Variants in AURKA observed in about 807,000 individuals in gnomAD.
The protein encoded by AURKA is aurora 2.
AURKA carries 12 observed loss-of-function variants against 40.9 expected under a neutral mutation model. The ratio of observed to expected loss-of-function variants is 0.29; its 90% CI spans 0.19 to 0.48. The LOEUF (loss-of-function observed/expected upper bound fraction) is 0.48, where lower values mean the gene tolerates loss of function less well. AURKA is among the 20% of genes least tolerant of loss of function. The pLI is 0.99. For missense variants in AURKA, 322 were observed against 462.1 expected (o/e 0.70, Z 2.78); for synonymous variants, 170 against 164.3 (o/e 1.03, Z -0.26).
intron 6 of AURKA, 144 bp downstream of exon 6, chr20:56,381,289 T>C: frequency 9.8e-7 from 1 of 1,018,602 alleles, no homozygotes; most frequent in Admixed American, 1.9e-5. Context: ...AACTAAGCTA[T>C]TTTGATTTTT....
chr20:56,372,301 G>T (rs926469029), intron 7 of AURKA, among the ~76,000 whole-genome samples: 3 of 152,138 alleles, frequency 2.0e-5, no homozygotes, highest in Non-Finnish European at 4.4e-5. Flanking sequence ...GGACTGAATC[G>T]GGGGTTCTCA....
chr20:56,386,290 G>C lies in AURKA; in HGVS notation c.286C>G (p.Gln96Glu). ...HPVSRPLNNT[Q>E]KSKQPLPSAP... Reference sequence around the variant, plus strand: ...GATGGCAGGGGCTGCTTGCTCTTTTGGGTGTTATTCAGTGGCCTGGAGACA... The same window carrying C: ...GATGGCAGGGGCTGCTTGCTCTTTTCGGTGTTATTCAGTGGCCTGGAGACA... The change falls in exon 3 of 9, where the codon CAA becomes GAA. Residue 96 changes from glutamine to glutamate, a missense_variant. Gln to Glu is a conservative substitution (Grantham distance 29). Coordinates refer to ENST00000395915, the MANE Select transcript of AURKA (RefSeq NM_198437.3). 6.2e-7 allele frequency: 1 copy of C among 1,614,240 alleles called. No individual in the cohort carries two copies. The highest frequency in any genetic ancestry group is 8.5e-7 in the Non-Finnish European group (1 of 1,180,044).
intron 6 of AURKA, among the ~76,000 whole-genome samples, chr20:56,374,016 T>TACACACACACACACACACACAC (rs11467339): frequency 6.8e-6 from 1 of 147,508 alleles, no homozygotes; most frequent in African/African-American, 2.5e-5. Context: ...TATAGGAGTC[T>TACACACACACACACACACACAC]ACACACACAC....
intron 5 of AURKA, 24 bp from the exon 6 acceptor site, chr20:56,381,595 A>C (rs1278038947): frequency 6.2e-7 from 1 of 1,612,666 alleles, no homozygotes; most frequent in Non-Finnish European, 8.5e-7. Context: ...TAAACATTCT[A>C]ACACTTGGTT....
chr20:56,381,879 G>A (rs1430357345), intron 5 of AURKA, among the ~76,000 whole-genome samples: 1 of 152,050 alleles, frequency 6.6e-6, no homozygotes, highest in African/African-American at 2.4e-5. Flanking sequence ...TTAAAAAAAG[G>A]ACATGGCCGG....
chr20:56,372,806 G>C (rs1271229454), intron 7 of AURKA, among the ~76,000 whole-genome samples: 1 of 152,198 alleles, frequency 6.6e-6, no homozygotes, highest in Non-Finnish European at 1.5e-5. Context: ...AAACAGTAAA[G>C]ATATTGTAGT....
chr20:56,386,380 A>G lies in AURKA; in HGVS notation c.196T>C (p.Ser66Pro). Residue 66 changes from serine (S) to proline (P), a missense_variant, in exon 3 of 9, where the codon TCC becomes CCC. Physicochemically the swap from Ser to Pro is moderately conservative, Grantham distance 74. Coordinates refer to ENST00000395915, the MANE Select transcript of AURKA (RefSeq NM_198437.3). ...RIPLQAQKLV[S>P]SHKPVQNQKQ... The stretch of plus-strand genomic sequence containing the variant: ...TGATTCTGAACCGGCTTGTGACTGG[A>G]GACAAGCTTTTGTGCTTGCAAAGGA... The G allele has an allele frequency of 6.2e-7, 1 of 1,614,158 alleles. No homozygotes were observed.
chr20:56,382,121 G>A (rs184297730), intron 5 of AURKA, among the ~76,000 whole-genome samples: 1,804 of 149,486 alleles, frequency 0.012, 22 homozygotes, highest in Middle Eastern at 0.029. Flanking sequence ...CTGAGATTGC[G>A]CCACTGCACT....
intron 6 of AURKA, among the ~76,000 whole-genome samples, chr20:56,378,774 A>C (rs759299453): frequency 1.7e-4 from 26 of 152,246 alleles, no homozygotes; most frequent in Non-Finnish European, 3.1e-4. Context: ...TAAGTGGAAG[A>C]AGCCCACCTA....
Position 56,384,327 on chromosome 20 carries a change from A to G in AURKA, c.320-3T>C. 3 of 1,590,832 alleles carry G rather than the reference A, an allele frequency of 1.9e-6. No homozygotes were observed. The highest frequency in any genetic ancestry group is 3.3e-5 in the Admixed American group (2 of 59,962). On this transcript the variant is annotated splice_region_variant and splice_polypyrimidine_tract_variant and intron_variant, in intron 3 of 8. Transcript: ENST00000395915. ...CAGTTCCTCCTCAGGATTATTTTCT[A>G]TATGGAATAAGTTAAAAACCTGTTT...
At chr20:56,379,567 C>G (rs1985414046) in intron 6 of AURKA, among the ~76,000 whole-genome samples, 1 of 152,198 alleles carries the variant, frequency 6.6e-6, no homozygotes. Context: ...TAATAACATT[C>G]TCCAAGAAAA....
chr20:56,372,648 A>T (rs1046546594), intron 7 of AURKA, among the ~76,000 whole-genome samples: 17 of 151,774 alleles, frequency 1.1e-4, no homozygotes, highest in African/African-American at 4.1e-4. Context: ...ATTTTAGGCT[A>T]TACTTTTTTT....
intron 5 of AURKA, 136 bp downstream of exon 5, chr20:56,382,849 A>G: frequency 1.1e-6 from 1 of 880,438 alleles, no homozygotes; most frequent in South Asian, 1.4e-5. Flanking sequence ...GGAGGTGAGG[A>G]ACGGGGCCAT....
rs572853918 is a variant in AURKA, at chr20:56,391,692, C to T, written c.-6+476G>A. Among the ~76,000 whole-genome samples the T allele has an allele frequency of 2.6e-4, 39 of 152,248 alleles. 1 individual carries two copies. Among genetic ancestry groups the T allele is most frequent in the East Asian group, 2.3e-3 (12 of 5,180 alleles). ...CCCACTCATCCAGCCAGGACAAGGG[C>T]CTTCTTAGGCTATTCTATCTAAAGC... is the stretch of plus-strand genomic sequence containing the variant. On this transcript the variant is annotated intron_variant, in intron 1 of 8. Coordinates refer to ENST00000395915, the MANE Select transcript of AURKA (RefSeq NM_198437.3).
chr20:56,383,231 A>T (rs1376757744), intron 4 of AURKA, 55 bp from the exon 5 acceptor site: 18 of 1,565,216 alleles, frequency 1.2e-5, no homozygotes, highest in Non-Finnish European at 1.6e-5. Flanking sequence ...TTTCTAACAA[A>T]TTTTCAATGA....
chr20:56,386,611 G>A, intron 2 of AURKA, 78 bp from the exon 3 acceptor site: 2 of 1,534,714 alleles, frequency 1.3e-6, no homozygotes, highest in East Asian at 2.3e-5. Flanking sequence ...CACAAAGTTT[G>A]TTCTCTAGTA....
intron 8 of AURKA, 68 bp downstream of exon 8, chr20:56,370,417 C>A (rs942284869): frequency 1.7e-5 from 27 of 1,613,758 alleles, no homozygotes; most frequent in Non-Finnish European, 2.1e-5. Flanking sequence ...CGGATCTTGG[C>A]CTGCAGTTCA....
intron 1 of AURKA, among the ~76,000 whole-genome samples, chr20:56,390,309 C>CTTT (rs112721980): frequency 7.8e-5 from 11 of 140,264 alleles, no homozygotes; most frequent in Admixed American, 3.6e-4. Flanking sequence ...ACTGAGGTTT[C>CTTT]TTTTTTTTTT....
chr20:56,377,316 TA>T (rs924613151), intron 6 of AURKA, among the ~76,000 whole-genome samples: 4 of 151,352 alleles, frequency 2.6e-5, no homozygotes, highest in African/African-American at 9.7e-5. Flanking sequence ...AAGACACAGA[TA>T]AGAGAACAAA....
Sources: allele counts gnomAD v4.1 joint callset (sites outside exome capture counted in the v4.1 genomes callset), GRCh38; gene constraint gnomAD v4.1.1; transcripts MANE v1.5; gene names NCBI Gene and HGNC (gene_info 2026-07-23, HGNC 2026-07-21).